The following GYS2 variants were observed in gnomAD, a reference collection of about 807,000 sequenced individuals.
The protein encoded by GYS2 is glycogen [starch] synthase, liver.
GYS2 carries 80 observed loss-of-function variants against 85.6 expected under a neutral mutation model. That is an observed-to-expected ratio of 0.93 (90% CI 0.78 to 1.13). The LOEUF (loss-of-function observed/expected upper bound fraction) is 1.13. GYS2 is among the 50% of genes most tolerant of loss of function. GYS2 has a pLI of 0.00. For synonymous variants in GYS2, 328 were observed against 300.7 expected (o/e 1.09, Z -0.94); for missense variants, 881 against 854.9 (o/e 1.03, Z -0.38).
At chr12:21,545,285 C>T (rs1565592953) in intron 12 of GYS2, among the ~76,000 whole-genome samples, 2 of 151,944 alleles carry the variant, frequency 1.3e-5, no homozygotes, top group Admixed American at 6.6e-5. Flanking sequence ...CTACTAAAAA[C>T]ACAAAAATTA....
intron 1 of GYS2, among the ~76,000 whole-genome samples, chr12:21,598,505 G>A (rs991117962): frequency 1.3e-5 from 2 of 151,502 alleles, no homozygotes; most frequent in Admixed American, 6.6e-5. Context: ...TTTTTACCTC[G>A]GTTTTTACTG....
At chr12:21,585,073 T>C (rs558150427) in intron 1 of GYS2, among the ~76,000 whole-genome samples, 1 of 152,182 alleles carries the variant, frequency 6.6e-6, no homozygotes, top group Non-Finnish European at 1.5e-5. Context: ...TATGGTACTG[T>C]TTCTCCCATA....
intron 1 of GYS2, among the ~76,000 whole-genome samples, chr12:21,597,028 C>A (rs1290651827): frequency 1.3e-5 from 2 of 151,886 alleles, no homozygotes; most frequent in Non-Finnish European, 2.9e-5. Context: ...TAATACAACC[C>A]CTATTTATTG....
intron 11 of GYS2, among the ~76,000 whole-genome samples, chr12:21,552,880 A>G (rs7310569): frequency 0.16 from 24,553 of 152,192 alleles, 2,176 homozygotes; most frequent in Middle Eastern, 0.21. Context: ...ACGTCTTACC[A>G]AATCCTGCAG....
At chr12:21,578,500 A>G (rs1015286069) in intron 2 of GYS2, among the ~76,000 whole-genome samples, 1 of 152,184 alleles carries the variant, frequency 6.6e-6, no homozygotes, top group Non-Finnish European at 1.5e-5. Flanking sequence ...TTGTGCCACT[A>G]TAAAGTCATG....
chr12:21,583,827 T>A (rs193131125), intron 1 of GYS2, among the ~76,000 whole-genome samples: 163 of 152,302 alleles, frequency 1.1e-3, no homozygotes, highest in Non-Finnish European at 2.0e-3. Flanking sequence ...ACAGCAGCAT[T>A]GCATCAGCAA....
rs1298687484 is a variant in GYS2, at chr12:21,559,096, T to A, written c.1303A>T (p.Thr435Ser). The change falls in exon 10 of 16, where the codon ACT becomes TCT. Residue 435 changes from threonine to serine, a missense_variant. By Grantham distance (58) the Thr-to-Ser change is moderately conservative (BLOSUM62 1). Transcript: ENST00000261195. ...GGTGCTTTTTTCCTTATTACCTGAG[T>A]TGAAAAGATGGCTCTTTTCATAATT... is the stretch of plus-strand genomic sequence containing the variant. Reference protein sequence around the residue: ...LTIMKRAIFSTQRQSLPPVTT... With the variant: ...LTIMKRAIFSSQRQSLPPVTT... The A allele has an allele frequency of 1.3e-6, 2 of 1,585,278 alleles. No individual in the cohort carries two copies. The highest frequency in any genetic ancestry group is 1.7e-6 in the Non-Finnish European group (2 of 1,154,870).
intron 12 of GYS2, among the ~76,000 whole-genome samples, chr12:21,545,847 A>G (rs1411087491): frequency 6.6e-6 from 1 of 152,156 alleles, no homozygotes; most frequent in Non-Finnish European, 1.5e-5. Flanking sequence ...TTCACTGTAC[A>G]CCTTTTTATA....
At chr12:21,579,756 C>T (rs576848164) in intron 2 of GYS2, among the ~76,000 whole-genome samples, 1 of 152,258 alleles carries the variant, frequency 6.6e-6, no homozygotes, top group African/African-American at 2.4e-5. Flanking sequence ...ATTGGCACAT[C>T]TCCTGCCTGA....
rs76556701 is a variant in GYS2 at position 21,578,700 on chromosome 12, T to C, written c.303+1642A>G. Among the ~76,000 whole-genome samples, 1,293 of 152,238 alleles carry C rather than the reference T, an allele frequency of 8.5e-3. 19 individuals carry two copies. The highest frequency in any genetic ancestry group is 0.029 in the African/African-American group (1,225 of 41,544). ...CATTAACTTGTATCTAGTATTTGCA[T>C]TTATCTTTTTTTCCTTTTTTGAGTG... On this transcript the variant is annotated intron_variant, in intron 2 of 15. Transcript: ENST00000261195.
chr12:21,557,072 C>T (rs1396233850), intron 11 of GYS2, among the ~76,000 whole-genome samples: 2 of 152,092 alleles, frequency 1.3e-5, no homozygotes. Context: ...AGGTCAAAAT[C>T]TACATTTGGG....
rs967956293 is a variant in GYS2 at position 21,600,163 on chromosome 12, C to T, written c.121+4309G>A. On this transcript the variant is annotated intron_variant, in intron 1 of 15. Transcript: ENST00000261195. The stretch of plus-strand genomic sequence containing the variant: ...GAAACAGGGTCTCACTCTGTCACCC[C>T]GGCTGGAGTGCAATGGTGCAATCTT... Among the ~76,000 whole-genome samples, 4 of 152,028 alleles carry T rather than the reference C, an allele frequency of 2.6e-5. 1 individual carries two copies. Among genetic ancestry groups the T allele is most frequent in the Admixed American group, 1.3e-4 (2 of 15,264 alleles).
At chr12:21,574,047 C>G in intron 4 of GYS2, 97 bp downstream of exon 4, 1 of 972,528 alleles carries the variant, frequency 1.0e-6, no homozygotes, top group East Asian at 2.5e-5. Flanking sequence ...TTTCTGCCAT[C>G]TGGTTGGCAG....
At position 21,568,935 on chromosome 12, in the gene GYS2, G is replaced by C. The variant is rs779543684; in HGVS notation, c.753C>G (p.Cys251Trp). The C allele has an allele frequency of 1.2e-5, 20 of 1,612,492 alleles. No individual in the cohort carries two copies. In the African/African-American group the frequency reaches 2.0e-4, roughly 16 times the overall value. The change falls in exon 5 of 16, where the codon TGC (cysteine) becomes TGG (tryptophan). Residue 251 changes from cysteine (C) to tryptophan (W), a missense_variant. Cys to Trp is a radical substitution (Grantham distance 215, BLOSUM62 -2). Coordinates refer to ENST00000261195, the MANE Select transcript of GYS2 (RefSeq NM_021957.4). ...RYCMERASVH[C>W]AHVFTTVSEI... The stretch of plus-strand genomic sequence containing the variant: ...CAGAAACCGTGGTGAACACGTGAGC[G>C]CAATGAACGGAAGCTCGCTCCATGC...
intron 12 of GYS2, among the ~76,000 whole-genome samples, chr12:21,545,536 T>A (rs930155656): frequency 6.6e-6 from 1 of 152,270 alleles, no homozygotes; most frequent in African/African-American, 2.4e-5. Context: ...TATTGTTGTA[T>A]TCTTTGCATT....
At position 21,604,698 on chromosome 12, in the gene GYS2, A is replaced by G. The variant is rs1015731204; in HGVS notation, c.-106T>C. On this transcript the variant is annotated 5_prime_UTR_variant, in exon 1 of 16. Coordinates refer to ENST00000261195, the MANE Select transcript of GYS2 (RefSeq NM_021957.4). ...AAAAGTTAGAGTTGGTAGAGTTACCAGGCTTTGGTAGCTTCTCTTGGGAAT... is the reference window on the plus strand; with the variant it reads ...AAAAGTTAGAGTTGGTAGAGTTACCGGGCTTTGGTAGCTTCTCTTGGGAAT... 6.4e-6 allele frequency: 10 copies of G among 1,572,836 alleles called. No homozygotes were observed. Among genetic ancestry groups the G allele is most frequent in the Middle Eastern group, 3.4e-4 (2 of 5,860 alleles).
chr12:21,554,746 G>A (rs568719456), intron 11 of GYS2, among the ~76,000 whole-genome samples: 155 of 152,276 alleles, frequency 1.0e-3, no homozygotes, highest in African/African-American at 3.5e-3. Context: ...ACAGATAAGA[G>A]TATTTCAGAA....
chr12:21,539,173 G>T, intron 15 of GYS2, 85 bp downstream of exon 15: 1 of 789,336 alleles, frequency 1.3e-6, no homozygotes, highest in Non-Finnish European at 2.2e-6. Context: ...TAGCTTGTGT[G>T]CATAGCTACT....
chr12:21,601,402 A>G (rs1944755209), intron 1 of GYS2, among the ~76,000 whole-genome samples: 1 of 152,082 alleles, frequency 6.6e-6, no homozygotes. Flanking sequence ...ACTCCCCCTG[A>G]GCTTCACAAT....
Sources: gnomAD v4.1 joint callset for allele counts (sites outside exome capture counted in the v4.1 genomes callset) on GRCh38, gnomAD v4.1.1 for gene constraint, MANE v1.5 for transcripts, NCBI Gene and HGNC (gene_info 2026-07-23, HGNC 2026-07-21) for gene names.